ASTN2: variants seen among roughly 807,000 people sequenced by gnomAD.
ASTN2 encodes astrotactin 2.
Under a neutral mutation model 139.8 loss-of-function variants are expected in ASTN2, and 54 were observed. The ratio of observed to expected loss-of-function variants is 0.39; its 90% CI spans 0.31 to 0.48. The LOEUF (loss-of-function observed/expected upper bound fraction) is 0.48, where lower values mean the gene tolerates loss of function less well. Among genes scored for constraint, ASTN2 ranks in the 20% least tolerant of loss-of-function variants. The probability of loss-of-function intolerance (pLI) is 0.95; values close to 1 mark genes in which losing one functional copy is unlikely to be tolerated. For synonymous variants in ASTN2, 756 were observed against 719.5 expected (o/e 1.05, Z -0.81); for missense variants, 1,565 against 1,725.1 (o/e 0.91, Z 1.64).
intron 13 of ASTN2, among the ~76,000 whole-genome samples, chr9:116,770,164 G>C (rs542483720): frequency 1.4e-4 from 21 of 151,308 alleles, no homozygotes; most frequent in South Asian, 1.3e-3. Flanking sequence ...AGATCAACAA[G>C]AGAACTTCCA....
chr9:116,428,496 C>T (rs962894236), intron 22 of ASTN2, among the ~76,000 whole-genome samples: 2 of 151,694 alleles, frequency 1.3e-5, no homozygotes, highest in Non-Finnish European at 2.9e-5. Context: ...TGCACTCCAG[C>T]CTGGGCAACA....
intron 6 of ASTN2, among the ~76,000 whole-genome samples, chr9:117,036,052 G>T (rs940401995): frequency 1.3e-5 from 2 of 152,076 alleles, no homozygotes; most frequent in Non-Finnish European, 2.9e-5. Flanking sequence ...ACTCTACTAG[G>T]CACTTTATAC....
chr9:116,868,674 C>A (rs1199466831), intron 10 of ASTN2, among the ~76,000 whole-genome samples: 1 of 152,194 alleles, frequency 6.6e-6, no homozygotes, highest in Non-Finnish European at 1.5e-5. Flanking sequence ...GAAATTTATT[C>A]TCTCGCCATT....
intron 16 of ASTN2, among the ~76,000 whole-genome samples, chr9:116,715,380 G>A (rs145074900): frequency 1.3e-5 from 2 of 152,236 alleles, no homozygotes; most frequent in Non-Finnish European, 2.9e-5. Flanking sequence ...CTCCTAACTG[G>A]TCCAAGAGAC....
At chr9:116,733,202 G>T (rs1458900980) in intron 14 of ASTN2, among the ~76,000 whole-genome samples, 197 bp downstream of exon 14, 1 of 152,206 alleles carries the variant, frequency 6.6e-6, no homozygotes. Flanking sequence ...CAAGTCTGAG[G>T]TCTCAGGGAA....
chr9:116,883,528 G>C (rs1171981957), intron 10 of ASTN2, among the ~76,000 whole-genome samples: 2 of 152,148 alleles, frequency 1.3e-5, no homozygotes, highest in Non-Finnish European at 2.9e-5. Context: ...CATTCTTGTA[G>C]ATTTTTGAGT....
At chr9:116,595,108 T>A (rs1459346163) in intron 19 of ASTN2, among the ~76,000 whole-genome samples, 3 of 152,186 alleles carry the variant, frequency 2.0e-5, no homozygotes, top group Non-Finnish European at 2.9e-5. Context: ...CTATGCCCCC[T>A]CTAAACCTGA....
intron 1 of ASTN2, among the ~76,000 whole-genome samples, chr9:117,370,901 G>A (rs941873160): frequency 6.6e-5 from 10 of 152,024 alleles, no homozygotes; most frequent in Non-Finnish European, 1.0e-4. Context: ...ATTATCAAAT[G>A]CCCCCAACAA....
chr9:116,514,924 C>T (rs1280777815), intron 19 of ASTN2, among the ~76,000 whole-genome samples: 6 of 152,140 alleles, frequency 3.9e-5, no homozygotes, highest in African/African-American at 7.2e-5. Context: ...AAAGGGAATT[C>T]CCTGACCCTT....
At chr9:117,280,583 C>T (rs1243514443) in intron 2 of ASTN2, among the ~76,000 whole-genome samples, 1 of 152,092 alleles carries the variant, frequency 6.6e-6, no homozygotes, top group African/African-American at 2.4e-5. Context: ...CCAAGAGCTA[C>T]CATAAGCTGG....
chr9:117,236,516 G>C (rs1173892307), intron 2 of ASTN2, among the ~76,000 whole-genome samples: 1 of 152,192 alleles, frequency 6.6e-6, no homozygotes, highest in Non-Finnish European at 1.5e-5. Context: ...AGGACCCCAG[G>C]GGCTGGCAGT....
At chr9:117,281,099 A>T (rs1437751646) in intron 2 of ASTN2, among the ~76,000 whole-genome samples, 1 of 152,168 alleles carries the variant, frequency 6.6e-6, no homozygotes, top group Non-Finnish European at 1.5e-5. Flanking sequence ...ACATAGCTCA[A>T]AGGATGTTTG....
chr9:116,687,163 G>C (rs2132038390), intron 16 of ASTN2: 1 of 1,069,274 alleles, frequency 9.4e-7, no homozygotes, highest in South Asian at 3.1e-5. Flanking sequence ...TAAGGCCCCG[G>C]GTTCTCAGAG....
intron 7 of ASTN2, among the ~76,000 whole-genome samples, chr9:117,003,882 T>C (rs975002827): frequency 4.0e-5 from 6 of 150,836 alleles, no homozygotes; most frequent in Non-Finnish European, 7.4e-5. Flanking sequence ...AGATATATAA[T>C]CCCACAAGGG....
At chr9:116,502,245 C>T (rs910830131) in intron 19 of ASTN2, among the ~76,000 whole-genome samples, 1 of 151,030 alleles carries the variant, frequency 6.6e-6, no homozygotes, top group Non-Finnish European at 1.5e-5. Context: ...CAGAGAGAGA[C>T]AGAGAGAGAC....
In ASTN2 at chr9:116,698,467, T is replaced by A; in HGVS notation, c.2806+27304A>T. 1 of 1,613,954 alleles carries A rather than the reference T, an allele frequency of 6.2e-7. No homozygotes were observed. Among genetic ancestry groups the A allele is most frequent in the South Asian group, 1.1e-5 (1 of 91,066 alleles). On this transcript the variant is annotated intron_variant, in intron 16 of 22. Coordinates refer to ENST00000313400, the MANE Select transcript of ASTN2 (RefSeq NM_001365068.1). This position sits in a 1 kb window ranked among gnomAD's most constrained non-coding sequence, Gnocchi z 4.4. ...CAGGCTGTGTCTCGCTGTGACTACT[T>A]CCTGGCCAAGATCAAGCAGGCAGAT...
intron 1 of ASTN2, among the ~76,000 whole-genome samples, chr9:117,407,951 CTT>C (rs938955746): frequency 3.3e-5 from 5 of 152,124 alleles, no homozygotes; most frequent in Non-Finnish European, 7.4e-5. Context: ...AAACCCGACT[CTT>C]TTTTTCCTTT....
At chr9:117,061,146 T>C (rs879562284) in intron 5 of ASTN2, among the ~76,000 whole-genome samples, 78 of 123,022 alleles carry the variant, frequency 6.3e-4, no homozygotes, top group South Asian at 4.6e-3. Context: ...GTCTTTTATT[T>C]ATTTATTTAT....
At chr9:116,558,954 G>A (rs993564610) in intron 19 of ASTN2, among the ~76,000 whole-genome samples, 1 of 152,216 alleles carries the variant, frequency 6.6e-6, no homozygotes, top group African/African-American at 2.4e-5. Flanking sequence ...TGTCTACTAT[G>A]AGCCAGTCAC....
Sources: gnomAD v4.1 joint callset for allele counts (sites outside exome capture counted in the v4.1 genomes callset) on GRCh38, gnomAD v4.1.1 for gene constraint, Gnocchi (gnomAD v3.1) non-coding constraint, MANE v1.5 for transcripts, NCBI Gene and HGNC (gene_info 2026-07-23, HGNC 2026-07-21) for gene names.